The following EPN2 variants were observed in gnomAD, a reference collection of about 807,000 sequenced individuals.
The protein encoded by EPN2 is epsin-2.
A neutral mutation model predicts 61.7 loss-of-function variants in EPN2; 34 were observed. That is an observed-to-expected ratio of 0.55 (90% CI 0.42 to 0.73). EPN2 has a LOEUF of 0.73. EPN2 is among the 30% of genes least tolerant of loss of function. EPN2 has a pLI of 0.00. For missense variants in EPN2, 714 were observed against 839.2 expected (o/e 0.85, Z 1.84); for synonymous variants, 349 against 353.6 (o/e 0.99, Z 0.15).
intron 1 of EPN2, among the ~76,000 whole-genome samples, chr17:19,257,507 T>TTC (rs1555595917): frequency 2.0e-5 from 3 of 148,104 alleles, no homozygotes; most frequent in Admixed American, 6.7e-5. Flanking sequence ...TTGATTTATT[T>TTC]TCTCTCTCTC....
chr17:19,299,368 C>T (rs10888226), intron 4 of EPN2, among the ~76,000 whole-genome samples: 146,276 of 152,368 alleles, frequency 0.96, 70,618 homozygotes, highest in African/African-American at 0.99. Flanking sequence ...AACCCCTCCT[C>T]CCACCCTGGC....
At chr17:19,303,691 T>C (rs1905658429) in intron 4 of EPN2, 1 of 152,258 alleles carries the variant, frequency 6.6e-6, no homozygotes, top group Non-Finnish European at 1.5e-5. Context: ...CCCTGTGTTG[T>C]AAAGTCACAT....
chr17:19,242,676 A>C (rs1389511568), intron 1 of EPN2, among the ~76,000 whole-genome samples: 1 of 152,206 alleles, frequency 6.6e-6, no homozygotes, highest in East Asian at 1.9e-4. Flanking sequence ...TTTCTGTTCA[A>C]AGCAATACAA....
intron 7 of EPN2, among the ~76,000 whole-genome samples, chr17:19,317,391 TACTCCCGCCCACTGCCTGGGCTGGG>T (rs1470403343): frequency 6.6e-6 from 1 of 152,234 alleles, no homozygotes; most frequent in African/African-American, 2.4e-5. Flanking sequence ...CCTCTCTCTG[TACTCCCGCCCACTGCCTGGGCTGGG>T]ACAGAGGCTG....
intron 1 of EPN2, among the ~76,000 whole-genome samples, chr17:19,269,800 T>C: frequency 6.6e-6 from 1 of 152,186 alleles, no homozygotes; most frequent in East Asian, 1.9e-4. Context: ...TTGCTCCTGC[T>C]TGTTTGACTT....
In EPN2 at chr17:19,283,627, C is replaced by T. The variant is rs1230616500; in HGVS notation, c.508C>T (p.Arg170Ter). Residue 170 changes from arginine (R) to a stop codon, truncating the protein, a stop_gained, in exon 3 of 11, where the codon CGA (arginine) becomes TGA (stop). Transcript: ENST00000314728. LOFTEE classifies it high-confidence loss of function. The surrounding 1 kb of genome is among the most constrained non-coding windows in gnomAD (Gnocchi z 7.0). Reference sequence around the variant, plus strand: ...GGGCAGCAACCAGATCACCTTTGGGCGAGGCTCCAGCCAGCCCAACCTCTC... The same window carrying T: ...GGGCAGCAACCAGATCACCTTTGGGTGAGGCTCCAGCCAGCCCAACCTCTC... ...GMGSNQITFG[R>*]GSSQPNLSTS... 3 of 1,613,962 alleles carry T rather than the reference C, an allele frequency of 1.9e-6. No homozygotes were observed. The highest frequency in any genetic ancestry group is 1.1e-5 in the South Asian group (1 of 91,076).
At chr17:19,303,993 C>T (rs1017153287) in intron 4 of EPN2, 1 of 152,222 alleles carries the variant, frequency 6.6e-6, no homozygotes, top group Non-Finnish European at 1.5e-5. Flanking sequence ...GTCCCAGCTA[C>T]TCAGGAGGCT....
At chr17:19,246,676 C>T (rs1006073115) in intron 1 of EPN2, among the ~76,000 whole-genome samples, 19 of 149,712 alleles carry the variant, frequency 1.3e-4, no homozygotes, top group African/African-American at 4.4e-4. Flanking sequence ...CCCCTTCCGC[C>T]CCCCCCAAAA....
chr17:19,288,527 G>C (rs1401027239), intron 4 of EPN2, among the ~76,000 whole-genome samples: 1 of 152,134 alleles, frequency 6.6e-6, no homozygotes. Flanking sequence ...GTGGAGGTTG[G>C]AAAGAGCCTT....
chr17:19,309,900 T>A lies in EPN2; in HGVS notation c.782T>A (p.Val261Glu). ...DRAARATSPRVSSELEQARPQ... is the reference protein window; with the variant it reads ...DRAARATSPRESSELEQARPQ... ...TCCCCAACAGCCACCTCCCCGCGAG[T>A]GTCCTCCGAGCTGGAGCAAGCCCGG... Residue 261 changes from valine to glutamate, a missense_variant, in exon 5 of 11, where the codon GTG becomes GAG. Physicochemically the swap from Val to Glu is moderately radical, Grantham distance 121 (BLOSUM62 -2). Coordinates refer to ENST00000314728, the MANE Select transcript of EPN2 (RefSeq NM_014964.5). 6.2e-7 allele frequency: 1 copy of A among 1,607,846 alleles called. No individual in the cohort carries two copies. Among genetic ancestry groups the A allele is most frequent in the South Asian group, 1.1e-5 (1 of 91,086 alleles).
intron 1 of EPN2, among the ~76,000 whole-genome samples, chr17:19,273,788 A>AT (rs1166080552): frequency 1.3e-5 from 2 of 152,156 alleles, no homozygotes; most frequent in Non-Finnish European, 2.9e-5. Flanking sequence ...GAAATAAAGG[A>AT]TTTTTTTCTT....
chr17:19,324,595 A>G (rs1704171372), intron 7 of EPN2, among the ~76,000 whole-genome samples: 4 of 152,184 alleles, frequency 2.6e-5, no homozygotes, highest in African/African-American at 9.7e-5. Flanking sequence ...GGCCTCCCAG[A>G]GAGCTGGGAT....
In EPN2 at chr17:19,328,928, G is replaced by C. The variant is rs778983413; in HGVS notation, c.1324+41G>C. The C allele has an allele frequency of 7.1e-6, 11 of 1,558,482 alleles. No homozygotes were observed. The East Asian group carries it at 2.3e-4, about 32-fold the overall frequency. On this transcript the variant is annotated intron_variant, in intron 8 of 10. Transcript: ENST00000314728. Reference sequence around the variant, plus strand: ...ACCCACTTTCCTGCCTGGCCTCTGAGCGCCCACGGGCCCTGCAGCCGCTCC... The same window carrying C: ...ACCCACTTTCCTGCCTGGCCTCTGACCGCCCACGGGCCCTGCAGCCGCTCC...
intron 7 of EPN2, among the ~76,000 whole-genome samples, chr17:19,317,516 G>C (rs1046755155): frequency 1.3e-5 from 2 of 152,136 alleles, no homozygotes; most frequent in Non-Finnish European, 2.9e-5. Context: ...ACCCCCCCGC[G>C]TTGTGACTGC....
chr17:19,296,170 G>T (rs1387995997), intron 4 of EPN2, among the ~76,000 whole-genome samples: 2 of 151,616 alleles, frequency 1.3e-5, no homozygotes, highest in Admixed American at 1.3e-4. Context: ...TTTTAAACTG[G>T]GACAGAGTCT....
intron 1 of EPN2, among the ~76,000 whole-genome samples, chr17:19,253,176 A>G (rs1287207001): frequency 2.6e-5 from 4 of 152,054 alleles, no homozygotes; most frequent in Non-Finnish European, 4.4e-5. Context: ...TTCTGTCTCT[A>G]TGGGGTTTGC....
intron 4 of EPN2, among the ~76,000 whole-genome samples, chr17:19,292,493 G>T (rs1242840561): frequency 7.9e-5 from 12 of 152,354 alleles, no homozygotes; most frequent in East Asian, 5.8e-4. Flanking sequence ...AGGGGCAGAG[G>T]CACAGCAGGG....
At chr17:19,254,935 T>C (rs2045058042) in intron 1 of EPN2, among the ~76,000 whole-genome samples, 1 of 152,116 alleles carries the variant, frequency 6.6e-6, no homozygotes, top group Non-Finnish European at 1.5e-5. Flanking sequence ...GATGGCATGG[T>C]TGTCAGTGTG....
intron 1 of EPN2, among the ~76,000 whole-genome samples, chr17:19,267,836 C>T (rs979407597): frequency 3.9e-5 from 6 of 152,312 alleles, no homozygotes; most frequent in Admixed American, 2.0e-4. Context: ...CCACCGCGTC[C>T]GGCCAATCAG....
Sources: gnomAD v4.1 joint callset for allele counts (sites outside exome capture counted in the v4.1 genomes callset) on GRCh38, gnomAD v4.1.1 for gene constraint, Gnocchi (gnomAD v3.1) non-coding constraint, MANE v1.5 for transcripts, NCBI Gene and HGNC (gene_info 2026-07-23, HGNC 2026-07-21) for gene names.